The following CEP112 variants were observed in gnomAD, a reference collection of about 807,000 sequenced individuals.
The protein encoded by CEP112 is centrosomal protein of 112 kDa.
In CEP112, 127 loss-of-function variants were observed where a neutral mutation model predicts 153.0. The ratio of observed to expected loss-of-function variants is 0.83; its 90% confidence interval spans 0.72 to 0.96. The LOEUF is 0.96. Among genes scored for constraint, CEP112 ranks in the 40% least tolerant of loss-of-function variants. The probability of loss-of-function intolerance (pLI) is 0.00; values close to 1 mark genes in which losing one functional copy is unlikely to be tolerated. For missense variants in CEP112, 1,089 were observed against 1,101.2 expected, an observed-to-expected ratio of 0.99 and a Z score of 0.16; for synonymous variants, 358 against 374.4, an observed-to-expected ratio of 0.96 and a Z score of 0.51.
At chr17:65,922,846 T>C (rs2144098332) in intron 19 of CEP112, among the ~76,000 whole-genome samples, 1 of 152,298 alleles carries the variant, frequency 6.6e-6, no homozygotes, top group Middle Eastern at 3.4e-3. Flanking sequence ...AAAAGTAACA[T>C]TCATTGCCCT....
At chr17:66,084,197 G>A (rs940582759) in intron 8 of CEP112, among the ~76,000 whole-genome samples, 2 of 152,090 alleles carry the variant, frequency 1.3e-5, no homozygotes, top group African/African-American at 2.4e-5. Context: ...GAGAACCCTT[G>A]TACACTGGGT....
intron 24 of CEP112, among the ~76,000 whole-genome samples, chr17:65,687,276 C>T (rs1479591788): frequency 1.3e-5 from 2 of 148,902 alleles, no homozygotes; most frequent in East Asian, 2.0e-4. Context: ...AAGCAATTCT[C>T]CTGCCTCAGC....
intron 23 of CEP112, among the ~76,000 whole-genome samples, chr17:65,724,610 T>C (rs1478464792): frequency 6.6e-6 from 1 of 152,256 alleles, no homozygotes; most frequent in African/African-American, 2.4e-5. Context: ...ATTCTTTTTC[T>C]AGAAATGTTT....
chr17:66,107,252 T>C (rs1284417775), intron 6 of CEP112, among the ~76,000 whole-genome samples: 1 of 152,142 alleles, frequency 6.6e-6, no homozygotes, highest in Non-Finnish European at 1.5e-5. Flanking sequence ...ATGCCCACTT[T>C]CATTACTGTT....
chr17:65,707,447 T>G (rs748892743), intron 23 of CEP112, among the ~76,000 whole-genome samples: 9 of 152,142 alleles, frequency 5.9e-5, no homozygotes, highest in Non-Finnish European at 1.0e-4. Context: ...TGTCCATTCA[T>G]CTCTCTTACC....
chr17:65,819,542 T>A (rs2056430392), intron 21 of CEP112, among the ~76,000 whole-genome samples: 1 of 151,952 alleles, frequency 6.6e-6, no homozygotes, highest in Non-Finnish European at 1.5e-5. Flanking sequence ...CTCTTAGAAA[T>A]GAAAAATGAT....
intron 4 of CEP112, among the ~76,000 whole-genome samples, chr17:66,139,519 G>A (rs1381432912): frequency 6.6e-6 from 1 of 152,062 alleles, no homozygotes; most frequent in Non-Finnish European, 1.5e-5. Context: ...GATGAGGTAG[G>A]ATTGCTTCAG....
intron 21 of CEP112, among the ~76,000 whole-genome samples, chr17:65,768,047 A>AC (rs905536256): frequency 8.6e-5 from 13 of 152,028 alleles, no homozygotes; most frequent in Non-Finnish European, 7.4e-5. Context: ...GGTGCTGACC[A>AC]CCCCCCAAAT....
intron 23 of CEP112, among the ~76,000 whole-genome samples, chr17:65,734,299 A>G (rs141288760): frequency 4.9e-4 from 74 of 152,312 alleles, no homozygotes; most frequent in African/African-American, 1.8e-3. Context: ...CATAGAGAAC[A>G]TGGCATCTAT....
intron 21 of CEP112, among the ~76,000 whole-genome samples, chr17:65,801,884 G>T (rs964495214): frequency 1.3e-5 from 2 of 152,118 alleles, no homozygotes; most frequent in Non-Finnish European, 2.9e-5. Context: ...GGGAAATAAA[G>T]TGTGCCCATG....
At position 65,744,061 on chromosome 17, in the gene CEP112, C is replaced by T. The variant is rs535853639; in HGVS notation, c.2458-844G>A. ...TACAGGCGTGAGCCACTGTGCCCGG[C>T]CTGCCTATCTTTTATAAATGAGGAA... On this transcript the variant is annotated intron_variant, in intron 22 of 26. Coordinates refer to ENST00000535342, the MANE Select transcript of CEP112 (RefSeq NM_001199165.4). Among the ~76,000 whole-genome samples, 6 of 152,182 alleles carry T rather than the reference C, an allele frequency of 3.9e-5. No individual in the cohort carries two copies. The East Asian group carries it at 1.2e-3, about 30-fold the overall frequency.
chr17:65,761,480 A>G (rs889340642), intron 21 of CEP112, among the ~76,000 whole-genome samples: 2 of 152,004 alleles, frequency 1.3e-5, no homozygotes, highest in African/African-American at 4.8e-5. Context: ...TTGTTTCCCA[A>G]ATGAAAGCTT....
chr17:65,825,690 TA>T (rs1458543157), intron 21 of CEP112, among the ~76,000 whole-genome samples: 1 of 152,084 alleles, frequency 6.6e-6, no homozygotes, highest in Non-Finnish European at 1.5e-5. Context: ...TATCATAACT[TA>T]AAATTAATTA....
chr17:65,704,080 C>T (rs1368495666), intron 23 of CEP112, among the ~76,000 whole-genome samples: 1 of 151,892 alleles, frequency 6.6e-6, no homozygotes, highest in Admixed American at 6.6e-5. Context: ...GTATGACGGA[C>T]GTCCTCACAA....
chr17:65,653,876 T>C (rs2045916492), intron 24 of CEP112, among the ~76,000 whole-genome samples: 1 of 151,674 alleles, frequency 6.6e-6, no homozygotes, highest in Non-Finnish European at 1.5e-5. Flanking sequence ...CTGGCCAACA[T>C]GGTGAAAACC....
intron 21 of CEP112, among the ~76,000 whole-genome samples, chr17:65,849,362 A>T (rs191980428): frequency 6.6e-6 from 1 of 152,326 alleles, no homozygotes; most frequent in East Asian, 1.9e-4. Context: ...TGTGTAGTGT[A>T]CTTGCAGTAT....
chr17:66,027,951 G>A (rs1382832631), intron 15 of CEP112, among the ~76,000 whole-genome samples: 1 of 144,008 alleles, frequency 6.9e-6, no homozygotes, highest in African/African-American at 2.5e-5. Context: ...GAGAGAGACA[G>A]AGGGAGAGAG....
intron 18 of CEP112, among the ~76,000 whole-genome samples, chr17:65,928,154 A>T (rs927811427): frequency 1.3e-5 from 2 of 152,240 alleles, no homozygotes; most frequent in Non-Finnish European, 2.9e-5. Flanking sequence ...GATATACAAA[A>T]GGCCAAAAAG....
At chr17:66,025,691 C>T (rs536593063) in intron 16 of CEP112, among the ~76,000 whole-genome samples, 29 of 152,134 alleles carry the variant, frequency 1.9e-4, no homozygotes, top group Non-Finnish European at 3.8e-4. Flanking sequence ...AACACTAACA[C>T]TCTGCTGGTG....
Sources: allele counts gnomAD v4.1 joint callset (sites outside exome capture counted in the v4.1 genomes callset), GRCh38; gene constraint gnomAD v4.1.1; transcripts MANE v1.5; gene names NCBI Gene and HGNC (gene_info 2026-07-23, HGNC 2026-07-21).